ITPR2: variants seen among roughly 807,000 people sequenced by gnomAD.
ITPR2 encodes the protein inositol 1,4,5-trisphosphate receptor type 2.
A neutral mutation model predicts 317.1 loss-of-function variants in ITPR2; 207 were observed. The observed-to-expected ratio is 0.65, with a 90% confidence interval of 0.58 to 0.73. The LOEUF is 0.73. Among genes scored for constraint, ITPR2 ranks in the 30% least tolerant of loss-of-function variants. ITPR2 has a pLI of 0.00. For missense variants in ITPR2, 2,613 were observed against 3,284.0 expected (o/e 0.80, Z 4.99); for synonymous variants, 1,156 against 1,149.1 (o/e 1.01, Z -0.12).
At chr12:26,784,831 C>T (rs1166062405) in intron 2 of ITPR2, among the ~76,000 whole-genome samples, 9 of 143,972 alleles carry the variant, frequency 6.3e-5, no homozygotes, top group Non-Finnish European at 1.1e-4. Flanking sequence ...AGCCTCTCTG[C>T]CTGGCTGCCC....
intron 32 of ITPR2, among the ~76,000 whole-genome samples, chr12:26,582,158 G>A (rs1945419936): frequency 6.6e-6 from 1 of 152,132 alleles, no homozygotes; most frequent in African/African-American, 2.4e-5. Context: ...CCCTATGAAT[G>A]ATAACATTTC....
At chr12:26,497,536 C>CA (rs74197212) in intron 37 of ITPR2, among the ~76,000 whole-genome samples, 151,853 of 151,854 alleles carry the variant, frequency 1, 75,926 homozygotes, top group Middle Eastern at 1. Flanking sequence ...AACCCACCCT[C>CA]AAGAGTTACA....
chr12:26,612,908 T>A (rs929620051), intron 26 of ITPR2, among the ~76,000 whole-genome samples: 5 of 152,242 alleles, frequency 3.3e-5, no homozygotes, highest in African/African-American at 1.2e-4. Context: ...CTCCTCCCAG[T>A]CCTTCAGAAT....
chr12:26,637,245 T>C (rs1279706226), intron 21 of ITPR2, among the ~76,000 whole-genome samples: 2 of 152,014 alleles, frequency 1.3e-5, no homozygotes, highest in Non-Finnish European at 2.9e-5. Context: ...TGGGAAGATA[T>C]AAGAAAGGAA....
intron 22 of ITPR2, among the ~76,000 whole-genome samples, chr12:26,628,713 T>C (rs1294749270): frequency 6.6e-6 from 1 of 152,218 alleles, no homozygotes; most frequent in African/African-American, 2.4e-5. Flanking sequence ...CATTCATGGA[T>C]GCACGGACAG....
At chr12:26,807,429 A>G (rs959733110) in intron 1 of ITPR2, among the ~76,000 whole-genome samples, 2 of 152,190 alleles carry the variant, frequency 1.3e-5, no homozygotes, top group African/African-American at 4.8e-5. Context: ...GAACCCAGCC[A>G]AGCACAATGT....
At chr12:26,599,861 G>C (rs918031587) in intron 29 of ITPR2, 126 bp downstream of exon 29, 4 of 690,582 alleles carry the variant, frequency 5.8e-6, no homozygotes, top group Non-Finnish European at 9.6e-6. Flanking sequence ...CACTTCTGGA[G>C]AGAGAATTTC....
At chr12:26,478,710 G>A (rs1942472243) in intron 43 of ITPR2, among the ~76,000 whole-genome samples, 1 of 152,070 alleles carries the variant, frequency 6.6e-6, no homozygotes, top group Non-Finnish European at 1.5e-5. Context: ...CAGTGTTAGT[G>A]CAGGAGTTTC....
intron 1 of ITPR2, chr12:26,801,189 C>G (rs1950550310): frequency 6.3e-6 from 1 of 157,918 alleles, no homozygotes; most frequent in African/African-American, 2.4e-5. Flanking sequence ...AGCCACTGAC[C>G]AAGGCATGGA....
At chr12:26,554,480 C>T (rs1944611931) in intron 36 of ITPR2, among the ~76,000 whole-genome samples, 1 of 152,176 alleles carries the variant, frequency 6.6e-6, no homozygotes, top group Non-Finnish European at 1.5e-5. Context: ...TCTGTGGCAA[C>T]TAACTGATTC....
In ITPR2 at chr12:26,378,261, C is replaced by A. The variant is rs1591975325; in HGVS notation, c.7857+9173G>T. 3.3e-5 allele frequency among the ~76,000 whole-genome samples: 5 copies of A among 151,942 alleles called. No homozygotes were observed. The South Asian group carries it at 1.0e-3, about 32-fold the overall frequency. ...TAGGAAGTAACGGGAATGGGGATGT[C>A]AGGGAAGGCACAGACATGCAAAGAG... On this transcript the variant is annotated intron_variant, in intron 55 of 56. Coordinates refer to ENST00000381340, the MANE Select transcript of ITPR2 (RefSeq NM_002223.4).
intron 41 of ITPR2, among the ~76,000 whole-genome samples, chr12:26,484,202 T>C (rs1038836892): frequency 3.3e-5 from 5 of 150,930 alleles, no homozygotes; most frequent in Admixed American, 2.0e-4. Flanking sequence ...TAGTTCATAA[T>C]AAACATTTCT....
chr12:26,734,996 C>CTTTTTTT (rs5797195), intron 2 of ITPR2, among the ~76,000 whole-genome samples: 18 of 109,000 alleles, frequency 1.7e-4, no homozygotes, highest in South Asian at 3.1e-4. Context: ...GCAAGCCAGT[C>CTTTTTTT]TTTTTTTTTT....
intron 1 of ITPR2, among the ~76,000 whole-genome samples, chr12:26,798,725 A>G (rs962173105): frequency 2.6e-5 from 4 of 152,228 alleles, no homozygotes; most frequent in African/African-American, 7.2e-5. Flanking sequence ...AGTTTCTACA[A>G]ATGTCCAGTT....
chr12:26,749,750 A>G (rs1949384702), intron 2 of ITPR2, among the ~76,000 whole-genome samples: 1 of 152,214 alleles, frequency 6.6e-6, no homozygotes. Context: ...ATGACTTCCT[A>G]AGTAAAGTAG....
rs1565759596 is a variant in ITPR2 at position 26,782,010 on chromosome 12, ATATATATATATATATATATATAT to A, written c.163+8124_163+8146del. On this transcript the variant is annotated intron_variant, in intron 2 of 56. Transcript: ENST00000381340. ...CTCCCCTGTATATATATATATATAT[ATATATATATATATATATATATAT>A]GTATAGAGAGAGAGAGAGAGAGAGA... 2.8e-3 allele frequency among the ~76,000 whole-genome samples: 88 copies of A among 30,916 alleles called. 3 individuals carry two copies. The highest frequency in any genetic ancestry group is 3.0e-3 in the Admixed American group (6 of 2,018). 20.3% of individuals were successfully genotyped at this position (30,916 alleles called of 152,430 possible). A position where few individuals can be genotyped will look rare whatever the true frequency, so the allele number is the denominator to read the frequency against.
intron 42 of ITPR2, among the ~76,000 whole-genome samples, chr12:26,483,042 T>C (rs182216199): frequency 1.2e-4 from 18 of 152,342 alleles, no homozygotes; most frequent in Non-Finnish European, 2.5e-4. Flanking sequence ...CTTACCTTGA[T>C]TGACCCAAGT....
chr12:26,727,633 C>G (rs1948953063), intron 2 of ITPR2, among the ~76,000 whole-genome samples: 1 of 152,164 alleles, frequency 6.6e-6, no homozygotes, highest in Admixed American at 6.5e-5. Flanking sequence ...GAAGTGAAGC[C>G]AAACTTTCAG....
intron 49 of ITPR2, among the ~76,000 whole-genome samples, chr12:26,423,599 C>T (rs902146415): frequency 5.9e-5 from 9 of 151,954 alleles, no homozygotes; most frequent in South Asian, 2.1e-4. Flanking sequence ...GTGGTTATAA[C>T]GCCCATATGA....
Sources: allele counts gnomAD v4.1 joint callset (sites outside exome capture counted in the v4.1 genomes callset), GRCh38; gene constraint gnomAD v4.1.1; transcripts MANE v1.5; gene names NCBI Gene and HGNC (gene_info 2026-07-23, HGNC 2026-07-21).